Variants in ATRNL1 observed in about 807,000 individuals in gnomAD.
The protein encoded by ATRNL1 is attractin like 1.
Under a neutral mutation model 182.7 loss-of-function variants are expected in ATRNL1, and 95 were observed. The ratio of observed to expected loss-of-function variants is 0.52; its 90% confidence interval spans 0.44 to 0.62. The LOEUF (loss-of-function observed/expected upper bound fraction) is 0.62, where lower values mean the gene tolerates loss of function less well. Ranked by LOEUF, ATRNL1 falls within the 20% of genes least tolerant of loss-of-function variation. The pLI is 0.00. For missense variants in ATRNL1, 1,471 were observed against 1,679.5 expected (o/e 0.88, Z 2.17); for synonymous variants, 576 against 568.3 (o/e 1.01, Z -0.19).
intron 5 of ATRNL1, among the ~76,000 whole-genome samples, chr10:115,155,320 A>G (rs1176317409): frequency 2.6e-5 from 4 of 152,022 alleles, no homozygotes; most frequent in Non-Finnish European, 4.4e-5. Flanking sequence ...TTCTATTGAT[A>G]TATGGGGACT....
chr10:115,556,668 G>T (rs1554997117), intron 26 of ATRNL1, among the ~76,000 whole-genome samples: 1 of 151,994 alleles, frequency 6.6e-6, no homozygotes, highest in Non-Finnish European at 1.5e-5. Context: ...ATACTAAGGG[G>T]TTACCCCACT....
At chr10:115,137,307 C>T (rs2143785466) in intron 5 of ATRNL1, among the ~76,000 whole-genome samples, 1 of 152,304 alleles carries the variant, frequency 6.6e-6, no homozygotes, top group South Asian at 2.1e-4. Flanking sequence ...ACTGCTGTCT[C>T]CCAGCATTCA....
At chr10:115,767,765 C>CTTCA (rs1464572242) in intron 27 of ATRNL1, among the ~76,000 whole-genome samples, 1 of 152,076 alleles carries the variant, frequency 6.6e-6, no homozygotes, top group Non-Finnish European at 1.5e-5. Flanking sequence ...TCTTTTATCA[C>CTTCA]TTCACTCTCA....
At chr10:115,491,193 G>T (rs1208895198) in intron 24 of ATRNL1, among the ~76,000 whole-genome samples, 1 of 152,138 alleles carries the variant, frequency 6.6e-6, no homozygotes, top group Non-Finnish European at 1.5e-5. Context: ...GTGTCTCCCA[G>T]TCATGATACA....
intron 15 of ATRNL1, among the ~76,000 whole-genome samples, chr10:115,294,384 G>C (rs782804700): frequency 6.6e-6 from 1 of 152,110 alleles, no homozygotes; most frequent in Non-Finnish European, 1.5e-5. Flanking sequence ...GAAGCTCTCT[G>C]TTGCATTTTT....
intron 24 of ATRNL1, among the ~76,000 whole-genome samples, chr10:115,475,733 G>C (rs1554972980): frequency 6.6e-6 from 1 of 151,314 alleles, no homozygotes; most frequent in Non-Finnish European, 1.5e-5. Context: ...ATTGTAAATA[G>C]ATGATCATCA....
chr10:115,563,542 G>T (rs1324441900), intron 26 of ATRNL1, among the ~76,000 whole-genome samples: 4 of 151,942 alleles, frequency 2.6e-5, no homozygotes, highest in Admixed American at 2.6e-4. Flanking sequence ...TATATATAAA[G>T]TTTCTTCTCA....
intron 7 of ATRNL1, among the ~76,000 whole-genome samples, chr10:115,169,787 A>G (rs758738345): frequency 1.3e-5 from 2 of 152,064 alleles, no homozygotes; most frequent in Non-Finnish European, 2.9e-5. Flanking sequence ...ATGTCTTTTC[A>G]TTTATTTATA....
chr10:115,753,314 A>G (rs1430011830), intron 27 of ATRNL1, among the ~76,000 whole-genome samples: 4 of 117,980 alleles, frequency 3.4e-5, no homozygotes, highest in Non-Finnish European at 5.4e-5. Flanking sequence ...TCCTAATGCT[A>G]TCCCTCCCCT....
intron 21 of ATRNL1, among the ~76,000 whole-genome samples, chr10:115,433,970 T>G (rs1346261622): frequency 6.6e-5 from 10 of 152,104 alleles, no homozygotes; most frequent in Non-Finnish European, 1.5e-4. Context: ...AGTGGAAGAT[T>G]GAGAGCTGAT....
intron 19 of ATRNL1, among the ~76,000 whole-genome samples, chr10:115,367,915 C>G (rs1267013525): frequency 6.6e-6 from 1 of 150,468 alleles, no homozygotes; most frequent in South Asian, 2.1e-4. Context: ...AACCACTGCT[C>G]TCTTCAAAGC....
chr10:115,796,585 T>G (rs1949659674), intron 27 of ATRNL1, among the ~76,000 whole-genome samples: 1 of 152,212 alleles, frequency 6.6e-6, no homozygotes, highest in South Asian at 2.1e-4. Flanking sequence ...TAGGTAGCAG[T>G]GCAATAAATG....
intron 1 of ATRNL1, among the ~76,000 whole-genome samples, chr10:115,098,511 G>A (rs907071435): frequency 3.6e-5 from 5 of 138,814 alleles, no homozygotes; most frequent in Non-Finnish European, 4.5e-5. Context: ...ACCCAGGCTG[G>A]AGTGCAGTGG....
intron 22 of ATRNL1, among the ~76,000 whole-genome samples, chr10:115,466,884 T>G (rs575611066): frequency 1.2e-3 from 187 of 151,206 alleles, no homozygotes; most frequent in Non-Finnish European, 2.1e-3. Context: ...AGTCTACAGC[T>G]AAGCAAAGAG....
At chr10:115,539,425 T>G (rs1371694300) in intron 25 of ATRNL1, among the ~76,000 whole-genome samples, 1 of 152,234 alleles carries the variant, frequency 6.6e-6, no homozygotes, top group African/African-American at 2.4e-5. Flanking sequence ...ATTTGGTATA[T>G]GATATCAGCA....
At chr10:115,273,077 T>C (rs1253294633) in intron 13 of ATRNL1, among the ~76,000 whole-genome samples, 1 of 152,146 alleles carries the variant, frequency 6.6e-6, no homozygotes, top group Non-Finnish European at 1.5e-5. Context: ...AGCTGGCTGA[T>C]TACCTAGGGG....
At chr10:115,332,066 A>G (rs1554935253) in intron 18 of ATRNL1, among the ~76,000 whole-genome samples, 1 of 152,078 alleles carries the variant, frequency 6.6e-6, no homozygotes, top group African/African-American at 2.4e-5. Context: ...GTTCAGCCCC[A>G]TTGTACTTGT....
At chr10:115,705,886 G>A (rs868963915) in intron 26 of ATRNL1, among the ~76,000 whole-genome samples, 1 of 151,940 alleles carries the variant, frequency 6.6e-6, no homozygotes, top group African/African-American at 2.4e-5. Flanking sequence ...ATTAGTTTGT[G>A]TGCTAATGCA....
intron 27 of ATRNL1, among the ~76,000 whole-genome samples, chr10:115,842,818 T>C (rs375638509): frequency 3.6e-4 from 55 of 152,120 alleles, no homozygotes; most frequent in African/African-American, 1.3e-3. Flanking sequence ...TGTCTTACCC[T>C]GAGAATACAG....
Sources: allele counts gnomAD v4.1 joint callset (sites outside exome capture counted in the v4.1 genomes callset), GRCh38; gene constraint gnomAD v4.1.1; transcripts MANE v1.5; gene names NCBI Gene and HGNC (gene_info 2026-07-23, HGNC 2026-07-21).